Variants in SETD2 observed in about 807,000 individuals in gnomAD.
SETD2 encodes SET domain containing 2, histone lysine methyltransferase, also known as histone-lysine N-methyltransferase SETD2.
Under a neutral mutation model 242.1 loss-of-function variants are expected in SETD2, and 31 were observed. The ratio of observed to expected loss-of-function variants is 0.13; its 90% CI spans 0.10 to 0.17. The LOEUF (loss-of-function observed/expected upper bound fraction) is 0.17. SETD2 is among the 10% of genes least tolerant of loss of function. The pLI is 1.00. For synonymous variants in SETD2, 1,006 were observed against 1,066.5 expected (o/e 0.94, Z 1.11); for missense variants, 2,481 against 3,046.3 (o/e 0.81, Z 4.37).
In SETD2 at chr3:47,104,934, A is replaced by AT. The variant is rs984322169; in HGVS notation, c.4839+1062dup. 8.6e-4 allele frequency among the ~76,000 whole-genome samples: 130 copies of AT among 151,472 alleles called. 1 individual carries two copies. Among genetic ancestry groups the AT allele is most frequent in the African/African-American group, 2.9e-3 (119 of 41,284 alleles). On this transcript the variant is annotated intron_variant, in intron 6 of 20. Transcript: ENST00000409792. ...ATGCATGCAAAACCATGCCCGGTTA[A>AT]TTTTTTTTTGTTTTTGTAGAGATGA...
Position 47,037,701 on chromosome 3 carries a change from G to A in SETD2, c.7315C>T (p.Leu2439=), listed in dbSNP as rs1435835794. 6.2e-7 allele frequency: 1 copy of A among 1,613,694 alleles called. No homozygotes were observed. The highest frequency in any genetic ancestry group is 1.7e-5 in the Admixed American group (1 of 59,970). The change falls in exon 18 of 21, where the codon CTG becomes TTG. Residue 2439 remains leucine (L), a synonymous_variant. Coordinates refer to ENST00000409792, the MANE Select transcript of SETD2 (RefSeq NM_014159.7). ...TTTTCATCATATGTTGGAGTTCCCA[G>A]GTCCATCTCAGCTTCATGCTCAAGG... The part of the protein sequence containing the change: ...ASLEHEAEMD[L]GTPTYDENPM...
intron 13 of SETD2, among the ~76,000 whole-genome samples, chr3:47,066,277 G>A (rs768788741): frequency 6.6e-6 from 1 of 152,048 alleles, no homozygotes; most frequent in Non-Finnish European, 1.5e-5. Context: ...GTGGAATTTC[G>A]ACGCACAGGG....
chr3:47,027,516 C>T (rs1327123262), intron 18 of SETD2, among the ~76,000 whole-genome samples: 1 of 151,676 alleles, frequency 6.6e-6, no homozygotes, highest in South Asian at 2.1e-4. Context: ...ACATATGTAA[C>T]AAACCTGCAC....
At chr3:47,060,614 T>A (rs757233267) in intron 14 of SETD2, among the ~76,000 whole-genome samples, 1 of 151,994 alleles carries the variant, frequency 6.6e-6, no homozygotes, top group Non-Finnish European at 1.5e-5. Flanking sequence ...TTATAATATA[T>A]ACAAAAATTA....
intron 5 of SETD2, among the ~76,000 whole-genome samples, chr3:47,108,385 A>T (rs1195229966): frequency 6.6e-6 from 1 of 152,194 alleles, no homozygotes; most frequent in African/African-American, 2.4e-5. Flanking sequence ...TATTGATGTC[A>T]TCTGGCATCG....
chr3:47,022,436 G>A lies in SETD2; in HGVS notation c.7351-2596C>T, dbSNP rs529950459. On this transcript the variant is annotated intron_variant, in intron 18 of 20. Coordinates refer to ENST00000409792, the MANE Select transcript of SETD2 (RefSeq NM_014159.7). ...GAGAGTTGCGCGAGCCTAGGAGGTT[G>A]AGGCTGCAGTGAGCTGTGATCATGC... is the stretch of plus-strand genomic sequence containing the variant. 2.4e-4 allele frequency among the ~76,000 whole-genome samples: 36 copies of A among 152,186 alleles called. 1 individual carries two copies. The South Asian group carries it at 7.3e-3, about 31-fold the overall frequency.
intron 9 of SETD2, among the ~76,000 whole-genome samples, chr3:47,097,312 G>C (rs1213978547): frequency 6.6e-6 from 1 of 152,166 alleles, no homozygotes; most frequent in Non-Finnish European, 1.5e-5. Context: ...TTGAAAAACA[G>C]TGCTCTAGCA....
chr3:47,163,028 T>C (rs7638049), intron 1 of SETD2, among the ~76,000 whole-genome samples: 7,562 of 152,254 alleles, frequency 0.05, 356 homozygotes, highest in East Asian at 0.13. Flanking sequence ...TCACAAGAAA[T>C]AGAAAGTCAT....
Position 47,050,723 on chromosome 3 carries a change from C to CTCTTTTTTTT in SETD2, c.6964-4103_6964-4102insAAAAAAAAGA, listed in dbSNP as rs1553682525. Reference sequence around the variant, plus strand: ...CTCAACCTGTATACATTTCCTCTCTCTTTTTTTTTTTTTTTTTTTTTTTTT... The same window carrying CTCTTTTTTTT: ...CTCAACCTGTATACATTTCCTCTCTCTCTTTTTTTTTTTTTTTTTTTTTTTTTTTTTTTTT... On this transcript the variant is annotated intron_variant, in intron 15 of 20. Transcript: ENST00000409792. Among the ~76,000 whole-genome samples the CTCTTTTTTTT allele has an allele frequency of 2.8e-3, 187 of 66,898 alleles. 2 individuals carry two copies. The highest frequency in any genetic ancestry group is 3.9e-3 in the Non-Finnish European group (149 of 38,400). The allele number at this position is 66,898 out of a possible 152,430, so 43.9% of individuals were successfully genotyped here. A position where few individuals can be genotyped will look rare whatever the true frequency, so the allele number is the denominator to read the frequency against.
intron 12 of SETD2, among the ~76,000 whole-genome samples, chr3:47,068,808 T>C (rs980544715): frequency 2.0e-5 from 3 of 149,964 alleles, no homozygotes; most frequent in African/African-American, 4.9e-5. Context: ...CTTTTTGTTT[T>C]GTTTTGTTTT....
At chr3:47,031,357 AG>A (rs2038760820) in intron 18 of SETD2, among the ~76,000 whole-genome samples, 1 of 152,034 alleles carries the variant, frequency 6.6e-6, no homozygotes, top group Non-Finnish European at 1.5e-5. Flanking sequence ...GTGTAGTGAC[AG>A]GGGGTATATG....
chr3:47,042,772 C>T (rs1020247681), intron 16 of SETD2, 72 bp from the exon 17 acceptor site: 5 of 1,339,326 alleles, frequency 3.7e-6, no homozygotes, highest in Non-Finnish European at 5.1e-6. Context: ...CAAAATAGCC[C>T]ACTTAAATAT....
In SETD2 at chr3:47,121,900, T is replaced by C. The variant is rs776530966; in HGVS notation, c.2736A>G (p.Leu912=). Residue 912 remains leucine, a synonymous_variant, in exon 3 of 21, where the codon CTA becomes CTG. Coordinates refer to ENST00000409792, the MANE Select transcript of SETD2 (RefSeq NM_014159.7). ...AAAACTCTGAACTTTTTTTACTCTT[T>C]AGCACTGCATCCAGAACTGGAGATG... ...ENTSPVLDAV[L]KSKKSSEFLK... 2 of 1,614,012 alleles carry C rather than the reference T, an allele frequency of 1.2e-6. No individual in the cohort carries two copies. Among genetic ancestry groups the C allele is most frequent in the African/African-American group, 2.7e-5 (2 of 75,050 alleles).
chr3:47,016,559 C>T lies in SETD2; in HGVS notation c.*534G>A. On this transcript the variant is annotated 3_prime_UTR_variant, in exon 21 of 21. Coordinates refer to ENST00000409792, the MANE Select transcript of SETD2 (RefSeq NM_014159.7). ...AAGGCTGGCCAAAACCACAAGGCAG[C>T]CTGCTTTAGAATATTTACATGATAA... 1 of 233,680 alleles carries T rather than the reference C, an allele frequency of 4.3e-6. No homozygotes were observed. The highest frequency in any genetic ancestry group is 8.5e-6 in the Non-Finnish European group (1 of 118,102). 14.5% of individuals were successfully genotyped at this position (233,680 alleles called of 1,614,324 possible).
chr3:47,118,992 T>A (rs1423404617), intron 3 of SETD2, among the ~76,000 whole-genome samples: 1 of 152,152 alleles, frequency 6.6e-6, no homozygotes, highest in Non-Finnish European at 1.5e-5. Context: ...TATTTTGTAA[T>A]AGAAAAAAAT....
chr3:47,084,498 C>G (rs2041463566), intron 11 of SETD2, 116 bp from the exon 12 acceptor site: 1 of 681,694 alleles, frequency 1.5e-6, no homozygotes, highest in African/African-American at 1.8e-5. Context: ...GATCTTGGCT[C>G]ACTGCAACCT....
At chr3:47,054,262 G>A (rs2039965337) in intron 15 of SETD2, among the ~76,000 whole-genome samples, 1 of 152,106 alleles carries the variant, frequency 6.6e-6, no homozygotes, top group Admixed American at 6.6e-5. Flanking sequence ...TGGCTCTTAG[G>A]GCTAATGAAT....
chr3:47,019,313 G>C (rs1240281133), intron 19 of SETD2, among the ~76,000 whole-genome samples: 1 of 152,174 alleles, frequency 6.6e-6, no homozygotes, highest in African/African-American at 2.4e-5. Context: ...AAGAGGAAAG[G>C]CAATCTGTCT....
intron 1 of SETD2, among the ~76,000 whole-genome samples, chr3:47,133,694 C>T (rs1340234732): frequency 1.3e-5 from 2 of 152,106 alleles, no homozygotes; most frequent in African/African-American, 4.8e-5. Context: ...CATCACGCCA[C>T]TGTACTCCAG....
Sources: gnomAD v4.1 joint callset for allele counts (sites outside exome capture counted in the v4.1 genomes callset) on GRCh38, gnomAD v4.1.1 for gene constraint, MANE v1.5 for transcripts, NCBI Gene and HGNC (gene_info 2026-07-23, HGNC 2026-07-21) for gene names.